Variants in HLCS observed in about 807,000 individuals in gnomAD.
HLCS encodes the protein holocarboxylase synthetase.
In HLCS, 53 loss-of-function variants were observed where a neutral mutation model predicts 75.0. That is an observed-to-expected ratio of 0.71 (90% CI 0.57 to 0.89). The LOEUF is 0.89. Among genes scored for constraint, HLCS ranks in the 40% least tolerant of loss-of-function variants. HLCS has a pLI of 0.00. For synonymous variants in HLCS, 431 were observed against 428.6 expected, an observed-to-expected ratio of 1.01 and a Z score of -0.07; for missense variants, 966 against 1,074.0, an observed-to-expected ratio of 0.90 and a Z score of 1.41.
chr21:36,879,933 A>G (rs968755449), intron 6 of HLCS, among the ~76,000 whole-genome samples: 3 of 148,784 alleles, frequency 2.0e-5, no homozygotes, highest in Non-Finnish European at 3.0e-5. Context: ...AAAAAAAAAG[A>G]GCTCAGTAAA....
At chr21:36,909,592 C>A (rs896356977) in intron 5 of HLCS, among the ~76,000 whole-genome samples, 11 of 152,116 alleles carry the variant, frequency 7.2e-5, no homozygotes, top group African/African-American at 1.2e-4. Context: ...CTGTGTCTCG[C>A]CACTTTATTT....
intron 6 of HLCS, among the ~76,000 whole-genome samples, chr21:36,860,483 C>T (rs550897345): frequency 6.6e-6 from 1 of 152,166 alleles, no homozygotes; most frequent in African/African-American, 2.4e-5. Context: ...TAATAAGGTC[C>T]CAAGTTCAAG....
intron 6 of HLCS, among the ~76,000 whole-genome samples, chr21:36,802,244 A>G (rs762369): frequency 0.98 from 149,375 of 152,212 alleles, 73,307 homozygotes; most frequent in East Asian, 1. Flanking sequence ...CCAAGATTGC[A>G]GCATAAGGGG....
chr21:36,966,576 G>A lies in HLCS; in HGVS notation c.63C>T (p.Leu21=). 2.0e-6 allele frequency: 2 copies of A among 996,860 alleles called. No individual in the cohort carries two copies. Among genetic ancestry groups the A allele is most frequent in the Non-Finnish European group, 1.2e-6 (1 of 839,246 alleles). 61.8% of individuals were successfully genotyped at this position (996,860 alleles called of 1,614,324 possible). A position where few individuals can be genotyped will look rare whatever the true frequency, so the allele number is the denominator to read the frequency against. Residue 21 remains leucine (L), a synonymous_variant, in exon 1 of 11, where the codon CTC becomes CTT. Transcript: ENST00000674895. ...GCAGCCGCCGCACCGTGGCGCGCACGAGCTCAGCCGGCCGGCGACCCCAGC... is the reference window on the plus strand; with the variant it reads ...GCAGCCGCCGCACCGTGGCGCGCACAAGCTCAGCCGGCCGGCGACCCCAGC... ...WARWGRRPAE[L]VRATVRRLRA...
intron 6 of HLCS, among the ~76,000 whole-genome samples, chr21:36,793,277 G>A (rs1195979835): frequency 2.0e-5 from 3 of 150,126 alleles, no homozygotes; most frequent in East Asian, 1.9e-4. Flanking sequence ...CGGAGAACAC[G>A]GGACAGCAGG....
chr21:36,930,422 T>A lies in HLCS; in HGVS notation c.1449A>T (p.Glu483Asp), dbSNP rs916053945. Residue 483 changes from glutamate to aspartate, a missense_variant, in exon 5 of 11, where the codon GAA becomes GAT. Physicochemically the swap from Glu to Asp is conservative, Grantham distance 45. Transcript: ENST00000674895. ...GCACTATGTTGGAGCTGGGAGGTAGTTCTAAGTGCACCTGAAGGGGAAAGA... is the reference window on the plus strand; with the variant it reads ...GCACTATGTTGGAGCTGGGAGGTAGATCTAAGTGCACCTGAAGGGGAAAGA... ...GEAVLCQVHL[E>D]LPPSSNIVQT... The A allele has an allele frequency of 8.1e-6, 13 of 1,613,936 alleles. No homozygotes were observed. The highest frequency in any genetic ancestry group is 1.3e-5 in the African/African-American group (1 of 74,928).
intron 6 of HLCS, among the ~76,000 whole-genome samples, chr21:36,832,911 C>T (rs776975950): frequency 6.6e-6 from 1 of 152,170 alleles, no homozygotes; most frequent in Non-Finnish European, 1.5e-5. Context: ...TAGCACCACA[C>T]TTTTGGTTCC....
chr21:36,989,535 C>A (rs2069300418), intron 1 of HLCS, among the ~76,000 whole-genome samples: 1 of 151,518 alleles, frequency 6.6e-6, no homozygotes, highest in African/African-American at 2.4e-5. Flanking sequence ...CACCATGTTG[C>A]CCAGGCTGGT....
In HLCS at chr21:36,749,362, A is replaced by G. The variant is rs1282159098; in HGVS notation, c.*4884T>C. The stretch of plus-strand genomic sequence containing the variant: ...TAGGAAACTTTTTCCACCTTTCTGA[A>G]TGGAAAGAGGTTTTCACAAATGTTT... On this transcript the variant is annotated 3_prime_UTR_variant, in exon 11 of 11. Transcript: ENST00000674895. 1 of 152,288 alleles carries G rather than the reference A, an allele frequency of 6.6e-6. No homozygotes were observed. Among genetic ancestry groups the G allele is most frequent in the Non-Finnish European group, 1.5e-5 (1 of 68,032 alleles). The allele number at this position is 152,288 out of a possible 1,614,324, so 9.4% of individuals were successfully genotyped here. A position where few individuals can be genotyped will look rare whatever the true frequency, so the allele number is the denominator to read the frequency against.
intron 6 of HLCS, among the ~76,000 whole-genome samples, chr21:36,826,930 A>C (rs1011699803): frequency 6.6e-6 from 1 of 152,224 alleles, no homozygotes; most frequent in South Asian, 2.1e-4. Context: ...TAATAGGTAT[A>C]AACATGGTCT....
In HLCS at chr21:36,938,936, C is replaced by T. The variant is rs371127235; in HGVS notation, c.389G>A (p.Arg130Gln). ...PLACRPGDPY[R>Q]LIAEASVDNF... ...GTCCACACTTGCTTCAGCAATTAGC[C>T]GATAAGGATCCCCAGGTCTGCAAGC... The change falls in exon 3 of 11, where the codon CGG becomes CAG. Residue 130 changes from arginine to glutamine, a missense_variant. Coordinates refer to ENST00000674895, the MANE Select transcript of HLCS (RefSeq NM_001352514.2). 7 of 1,613,376 alleles carry T rather than the reference C, an allele frequency of 4.3e-6. No individual in the cohort carries two copies. The highest frequency in any genetic ancestry group is 1.7e-5 in the Admixed American group (1 of 59,994).
intron 2 of HLCS, among the ~76,000 whole-genome samples, chr21:36,949,107 G>A (rs1242928524): frequency 6.6e-6 from 1 of 152,162 alleles, no homozygotes; most frequent in Non-Finnish European, 1.5e-5. Context: ...GATGTAAGCT[G>A]AGGAAGAAGA....
intron 6 of HLCS, among the ~76,000 whole-genome samples, chr21:36,893,285 TG>T (rs2064869496): frequency 6.6e-6 from 1 of 152,168 alleles, no homozygotes. Context: ...TTGGTCAGGC[TG>T]GTCTCGAACT....
At chr21:36,771,998 A>G (rs999750613) in intron 6 of HLCS, among the ~76,000 whole-genome samples, 24 of 150,344 alleles carry the variant, frequency 1.6e-4, no homozygotes, top group African/African-American at 5.4e-4. Context: ...CTCCAACTCA[A>G]AAAAAAAAAA....
At chr21:36,899,826 G>A (rs578244855) in intron 5 of HLCS, among the ~76,000 whole-genome samples, 12 of 152,242 alleles carry the variant, frequency 7.9e-5, no homozygotes, top group East Asian at 1.9e-4. Context: ...AAAAAAGTCC[G>A]GGCGCAGTGG....
chr21:36,903,714 G>A (rs1747236850), intron 5 of HLCS, among the ~76,000 whole-genome samples: 1 of 152,186 alleles, frequency 6.6e-6, no homozygotes, highest in South Asian at 2.1e-4. Context: ...TAAGAAACAT[G>A]TATGGAGTAC....
chr21:36,969,237 C>T (rs1356462185), upstream of HLCS, among the ~76,000 whole-genome samples: 1 of 152,128 alleles, frequency 6.6e-6, no homozygotes, highest in Non-Finnish European at 1.5e-5. Context: ...TTCATCACCC[C>T]TATATAACAA....
chr21:36,899,252 T>C (rs966182009), intron 5 of HLCS, among the ~76,000 whole-genome samples: 1 of 152,208 alleles, frequency 6.6e-6, no homozygotes, highest in Admixed American at 6.5e-5. Flanking sequence ...CAGTATTCTC[T>C]CTATTCTTTT....
intron 6 of HLCS, among the ~76,000 whole-genome samples, chr21:36,776,717 T>G (rs1485644420): frequency 1.3e-5 from 2 of 152,198 alleles, no homozygotes; most frequent in South Asian, 4.1e-4. Flanking sequence ...CCGGCTGATA[T>G]GGCACTATTA....
Sources: gnomAD v4.1 joint callset for allele counts (sites outside exome capture counted in the v4.1 genomes callset) on GRCh38, gnomAD v4.1.1 for gene constraint, MANE v1.5 for transcripts, NCBI Gene and HGNC (gene_info 2026-07-23, HGNC 2026-07-21) for gene names.